SLC26A4: variants seen among roughly 807,000 people sequenced by gnomAD.
SLC26A4 encodes the protein solute carrier family 26 member 4, also known as pendrin.
Under a neutral mutation model 90.4 loss-of-function variants are expected in SLC26A4, and 93 were observed. The observed-to-expected ratio is 1.03, with a 90% confidence interval of 0.87 to 1.22. The LOEUF is 1.22. Among genes scored for constraint, SLC26A4 ranks in the 50% most tolerant of loss-of-function variants. The pLI is 0.00. For synonymous variants in SLC26A4, 393 were observed against 354.6 expected (o/e 1.11, Z -1.22); for missense variants, 1,127 against 946.2 (o/e 1.19, Z -2.51).
At chr7:107,669,239 G>A (rs758110767) in intron 3 of SLC26A4, among the ~76,000 whole-genome samples, 1 of 152,128 alleles carries the variant, frequency 6.6e-6, no homozygotes, top group Non-Finnish European at 1.5e-5. Flanking sequence ...TTACAATCAT[G>A]AGCCATCACA....
At chr7:107,680,061 T>C (rs1430345474) in intron 6 of SLC26A4, among the ~76,000 whole-genome samples, 6 of 130,004 alleles carry the variant, frequency 4.6e-5, no homozygotes, top group African/African-American at 1.9e-4. Context: ...TATAATATAA[T>C]CTTATTATAT....
rs765985155 is a variant in SLC26A4 at position 107,710,059 on chromosome 7, G to A, written c.2095G>A (p.Val699Met). 3.1e-6 allele frequency: 5 copies of A among 1,612,802 alleles called. No individual in the cohort carries two copies. Among genetic ancestry groups the A allele is most frequent in the African/African-American group, 2.7e-5 (2 of 74,872 alleles). The part of the protein sequence containing the change: ...NVYFASLQDY[V>M]IEKLEQCGFF... ...ATTGTGTCTTTCTTTTGAAGATTAT[G>A]TGATAGAAAAGCTGGAGCAATGCGG... is the stretch of plus-strand genomic sequence containing the variant. Residue 699 changes from valine to methionine, a missense_variant, in exon 19 of 21, where the codon GTG becomes ATG. By Grantham distance (21) the Val-to-Met change is conservative. Transcript: ENST00000644269.
Position 107,661,650 on chromosome 7 carries a change from G to A in SLC26A4, c.9G>A (p.Ala3=). 1.3e-6 allele frequency: 2 copies of A among 1,564,844 alleles called. No homozygotes were observed. Residue 3 remains alanine, a synonymous_variant, in exon 2 of 21, where the codon GCG becomes GCA. Coordinates refer to ENST00000644269, the MANE Select transcript of SLC26A4 (RefSeq NM_000441.2). This position sits in a 1 kb window ranked among gnomAD's most constrained non-coding sequence, Gnocchi z 5.1. ...CCTCTGGCTCGCAGGTCATGGCAGCGCCAGGCGGCAGGTCGGAGCCGCCGC... is the reference window on the plus strand; with the variant it reads ...CCTCTGGCTCGCAGGTCATGGCAGCACCAGGCGGCAGGTCGGAGCCGCCGC... The part of the protein sequence containing the change: MA[A]PGGRSEPPQL...
rs563069723 is a variant in SLC26A4, at chr7:107,703,462, T to C, written c.2035-869T>C. 1.3e-4 allele frequency among the ~76,000 whole-genome samples: 20 copies of C among 152,342 alleles called. No homozygotes were observed. The South Asian group carries it at 3.9e-3, about 30-fold the overall frequency. On this transcript the variant is annotated intron_variant, in intron 17 of 20. Coordinates refer to ENST00000644269, the MANE Select transcript of SLC26A4 (RefSeq NM_000441.2). ...AAGAGTATGAGAATATGCTGACAGG[T>C]TCTGTTCTAGTTCTCTTAGCAGATT...
At chr7:107,680,794 G>A in intron 6 of SLC26A4, among the ~76,000 whole-genome samples, 1 of 152,026 alleles carries the variant, frequency 6.6e-6, no homozygotes, top group East Asian at 1.9e-4. Context: ...ATTTTTGTAA[G>A]GTAAAAATGT....
chr7:107,678,594 C>T (rs577423589), intron 6 of SLC26A4, among the ~76,000 whole-genome samples: 1 of 152,198 alleles, frequency 6.6e-6, no homozygotes, highest in Non-Finnish European at 1.5e-5. Flanking sequence ...CATTATGTAA[C>T]TTACTTCCTG....
intron 2 of SLC26A4, among the ~76,000 whole-genome samples, 166 bp from the exon 3 acceptor site, chr7:107,663,130 T>G (rs536622311): frequency 6.6e-6 from 1 of 152,232 alleles, no homozygotes. Flanking sequence ...ATACAGTTCT[T>G]GGCAAAAGCA....
At chr7:107,673,759 G>A (rs1248405445) in intron 4 of SLC26A4, among the ~76,000 whole-genome samples, 1 of 152,006 alleles carries the variant, frequency 6.6e-6, no homozygotes, top group African/African-American at 2.4e-5. Context: ...GACAGAATCT[G>A]GCTCTGTCAC....
At chr7:107,699,040 A>C (rs920581240) in intron 14 of SLC26A4, among the ~76,000 whole-genome samples, 11 of 152,216 alleles carry the variant, frequency 7.2e-5, no homozygotes, top group African/African-American at 2.7e-4. Context: ...TTAACATTAA[A>C]AAAAGTTGGA....
At chr7:107,713,833 T>C (rs1240557173) in intron 20 of SLC26A4, among the ~76,000 whole-genome samples, 2 of 152,138 alleles carry the variant, frequency 1.3e-5, no homozygotes, top group African/African-American at 2.4e-5. Context: ...TTGACCCTAA[T>C]ACAGAACTAC....
intron 10 of SLC26A4, chr7:107,692,208 C>A: frequency 1.7e-6 from 1 of 586,120 alleles, no homozygotes. Flanking sequence ...AGGATTTCAG[C>A]ATTAAAGAAT....
intron 8 of SLC26A4, 63 bp from the exon 9 acceptor site, chr7:107,688,990 T>G: frequency 9.5e-5 from 148 of 1,556,656 alleles, no homozygotes; most frequent in Non-Finnish European, 1.3e-4. Flanking sequence ...TAGCATTTGA[T>G]GAGATGGGGA....
At chr7:107,699,286 A>C (rs1791822950) in intron 14 of SLC26A4, among the ~76,000 whole-genome samples, 1 of 152,104 alleles carries the variant, frequency 6.6e-6, no homozygotes, top group African/African-American at 2.4e-5. Context: ...CTAGACTAAA[A>C]TTGCTGATTC....
rs1057516953 is a variant in SLC26A4 at position 107,663,412 on chromosome 7, C to T, written c.281C>T (p.Thr94Ile). 4 of 1,614,086 alleles carry T rather than the reference C, an allele frequency of 2.5e-6. No individual in the cohort carries two copies. The highest frequency in any genetic ancestry group is 4.5e-5 in the East Asian group (2 of 44,874). Residue 94 changes from threonine (T) to isoleucine (I), a missense_variant, in exon 3 of 21, where the codon ACT becomes ATT. Physicochemically the swap from Thr to Ile is moderately conservative, Grantham distance 89. Transcript: ENST00000644269. Reference sequence around the variant, plus strand: ...AGTGACGTCATTTCGGGAGTTAGTACTGGGCTAGTGGCCACGCTGCAAGGT... The same window carrying T: ...AGTGACGTCATTTCGGGAGTTAGTATTGGGCTAGTGGCCACGCTGCAAGGT... ...LLSDVISGVS[T>I]GLVATLQGMA...
At chr7:107,715,066 T>TAAA (rs543905042) in intron 20 of SLC26A4, among the ~76,000 whole-genome samples, 1,709 of 98,628 alleles carry the variant, frequency 0.017, 46 homozygotes, top group African/African-American at 0.058. Context: ...CCATCTCTAC[T>TAAA]AAAAAAAAAA....
chr7:107,715,463 T>C lies in SLC26A4; in HGVS notation c.*17T>C. The C allele has an allele frequency of 6.2e-7, 1 of 1,606,958 alleles. No homozygotes were observed. Among genetic ancestry groups the C allele is most frequent in the Non-Finnish European group, 8.5e-7 (1 of 1,173,632 alleles). On this transcript the variant is annotated 3_prime_UTR_variant, in exon 21 of 21. Transcript: ENST00000644269. The stretch of plus-strand genomic sequence containing the variant: ...GCATCCTGAAAGTGGGTTCGGGAGG[T>C]CTCTATGAGCAAGGAATACAAGACA...
intron 6 of SLC26A4, among the ~76,000 whole-genome samples, chr7:107,677,630 G>A (rs978072082): frequency 5.4e-5 from 8 of 149,466 alleles, no homozygotes; most frequent in African/African-American, 2.0e-4. Context: ...TTTTGAGACA[G>A]GGTCTTGCCC....
At chr7:107,671,809 TAC>T (rs1562822425) in intron 3 of SLC26A4, among the ~76,000 whole-genome samples, 1 of 152,216 alleles carries the variant, frequency 6.6e-6, no homozygotes, top group East Asian at 1.9e-4. Context: ...ATGCACTTAA[TAC>T]ACCTAACCTA....
At chr7:107,680,118 AATCTT>A (rs1423949573) in intron 6 of SLC26A4, among the ~76,000 whole-genome samples, 47 of 120,454 alleles carry the variant, frequency 3.9e-4, no homozygotes, top group African/African-American at 1.5e-3. Context: ...TATATAATAT[AATCTT>A]ATCTTATTAT....
Sources: gnomAD v4.1 joint callset for allele counts (sites outside exome capture counted in the v4.1 genomes callset) on GRCh38, gnomAD v4.1.1 for gene constraint, Gnocchi (gnomAD v3.1) non-coding constraint, MANE v1.5 for transcripts, NCBI Gene and HGNC (gene_info 2026-07-23, HGNC 2026-07-21) for gene names.